Variants in SH3RF3 observed in about 807,000 individuals in gnomAD.
The protein encoded by SH3RF3 is SH3 domain containing ring finger 3.
A neutral mutation model predicts 66.3 loss-of-function variants in SH3RF3; 29 were observed. The ratio of observed to expected loss-of-function variants is 0.44; its 90% CI spans 0.33 to 0.60. The LOEUF (loss-of-function observed/expected upper bound fraction) is 0.60. Among genes scored for constraint, SH3RF3 ranks in the 20% least tolerant of loss-of-function variants. The probability of loss-of-function intolerance (pLI) is 0.04; values close to 1 mark genes in which losing one functional copy is unlikely to be tolerated. For missense variants in SH3RF3, 1,194 were observed against 1,190.9 expected, an observed-to-expected ratio of 1.00 and a Z score of -0.04; for synonymous variants, 583 against 532.0, an observed-to-expected ratio of 1.10 and a Z score of -1.32.
chr2:109,260,092 G>A (rs1490849489), intron 1 of SH3RF3, among the ~76,000 whole-genome samples: 1 of 152,170 alleles, frequency 6.6e-6, no homozygotes, highest in Admixed American at 6.5e-5. Context: ...CTTTTTGAGA[G>A]TAGAGAGGCT....
intron 5 of SH3RF3, among the ~76,000 whole-genome samples, chr2:109,431,202 A>G (rs1677202974): frequency 6.6e-6 from 1 of 152,186 alleles, no homozygotes; most frequent in Non-Finnish European, 1.5e-5. Context: ...ATATCCCCAG[A>G]GATGCACTGT....
intron 1 of SH3RF3, among the ~76,000 whole-genome samples, chr2:109,140,191 C>T (rs1014448123): frequency 6.6e-6 from 1 of 152,168 alleles, no homozygotes; most frequent in African/African-American, 2.4e-5. Flanking sequence ...ATGGTTGGTG[C>T]ATATGGGTCG....
chr2:109,426,023 C>T (rs62154200), intron 5 of SH3RF3, among the ~76,000 whole-genome samples: 140 of 152,198 alleles, frequency 9.2e-4, no homozygotes, highest in Middle Eastern at 3.4e-3. Context: ...TCAGCCTTCC[C>T]GGTAGCTGGG....
intron 1 of SH3RF3, among the ~76,000 whole-genome samples, chr2:109,154,492 C>A (rs547333009): frequency 1.1e-4 from 16 of 152,140 alleles, no homozygotes. Flanking sequence ...GGCCAGGCCT[C>A]GAGGCTTCCT....
At chr2:109,381,500 G>A (rs527529947) in intron 3 of SH3RF3, among the ~76,000 whole-genome samples, 7 of 152,176 alleles carry the variant, frequency 4.6e-5, no homozygotes, top group African/African-American at 1.4e-4. Flanking sequence ...GGCCATCCAC[G>A]TCCACCTGCC....
At chr2:109,390,108 G>A (rs577864593) in intron 3 of SH3RF3, among the ~76,000 whole-genome samples, 5 of 152,258 alleles carry the variant, frequency 3.3e-5, no homozygotes, top group East Asian at 3.9e-4. Context: ...AGTGTCTACC[G>A]GAGGCCATGC....
At chr2:109,329,026 A>G (rs1682224455) in intron 1 of SH3RF3, among the ~76,000 whole-genome samples, 1 of 152,190 alleles carries the variant, frequency 6.6e-6, no homozygotes, top group Non-Finnish European at 1.5e-5. Flanking sequence ...CCATGTGTCC[A>G]CAGAGGCAGT....
At chr2:109,467,636 A>G (rs1678389847) in intron 8 of SH3RF3, among the ~76,000 whole-genome samples, 1 of 152,240 alleles carries the variant, frequency 6.6e-6, no homozygotes, top group South Asian at 2.1e-4. Context: ...CTTTATTTTT[A>G]AAAAGAACAT....
At chr2:109,414,920 G>A (rs1559070978) in intron 4 of SH3RF3, among the ~76,000 whole-genome samples, 1 of 152,226 alleles carries the variant, frequency 6.6e-6, no homozygotes, top group Admixed American at 6.5e-5. Flanking sequence ...CTGAGAATGT[G>A]TCACCTCATG....
chr2:109,192,985 G>A (rs1678405184), intron 1 of SH3RF3, among the ~76,000 whole-genome samples: 1 of 152,236 alleles, frequency 6.6e-6, no homozygotes, highest in Non-Finnish European at 1.5e-5. Context: ...TGAACCTCTT[G>A]TGACTTGGAA....
intron 3 of SH3RF3, among the ~76,000 whole-genome samples, chr2:109,395,850 A>G (rs1676129752): frequency 6.6e-6 from 1 of 152,170 alleles, no homozygotes; most frequent in East Asian, 1.9e-4. Flanking sequence ...ACTTGCATAC[A>G]ACAACCTGTT....
chr2:109,160,022 C>T (rs900298195), intron 1 of SH3RF3, among the ~76,000 whole-genome samples: 7 of 152,196 alleles, frequency 4.6e-5, no homozygotes, highest in East Asian at 3.8e-4. Context: ...ACCATCTCCC[C>T]GCCAGGTCCA....
At chr2:109,206,920 G>A (rs1202142763) in intron 1 of SH3RF3, among the ~76,000 whole-genome samples, 3 of 152,230 alleles carry the variant, frequency 2.0e-5, no homozygotes, top group South Asian at 2.1e-4. Context: ...TTGTGTTTGG[G>A]ATAGCATGTC....
intron 1 of SH3RF3, among the ~76,000 whole-genome samples, chr2:109,193,501 A>G (rs1277397980): frequency 1.3e-5 from 2 of 152,202 alleles, no homozygotes; most frequent in Non-Finnish European, 2.9e-5. Flanking sequence ...GAATGGAATC[A>G]TACAGTTTGC....
intron 3 of SH3RF3, among the ~76,000 whole-genome samples, chr2:109,386,813 A>T (rs1431784147): frequency 6.6e-6 from 1 of 152,170 alleles, no homozygotes; most frequent in Non-Finnish European, 1.5e-5. Flanking sequence ...TTAAAAAATG[A>T]CTGCATTCTC....
chr2:109,174,458 C>T (rs1399048214), intron 1 of SH3RF3, among the ~76,000 whole-genome samples: 2 of 152,176 alleles, frequency 1.3e-5, no homozygotes, highest in Non-Finnish European at 2.9e-5. Flanking sequence ...GTGCCCTGAT[C>T]AGAGTAGGCA....
intron 1 of SH3RF3, among the ~76,000 whole-genome samples, chr2:109,345,486 G>A (rs758015870): frequency 4.6e-5 from 7 of 152,122 alleles, no homozygotes; most frequent in Non-Finnish European, 8.8e-5. Flanking sequence ...TTATAACACG[G>A]CTTTTAAGCC....
At chr2:109,344,148 C>T (rs1038669829) in intron 1 of SH3RF3, among the ~76,000 whole-genome samples, 3 of 152,192 alleles carry the variant, frequency 2.0e-5, no homozygotes, top group Non-Finnish European at 2.9e-5. Context: ...GGACCTGCTA[C>T]GCAGGGAGAA....
rs548263794 is a variant in SH3RF3 at position 109,342,826 on chromosome 2, C to T, written c.574-4848C>T. ...TAAGTCCAGAGGAAGATGTGTGTGC[C>T]ACATCTGAGTAATGAGCCATGAAAT... On this transcript the variant is annotated intron_variant, in intron 1 of 9. Transcript: ENST00000309415. Among the ~76,000 whole-genome samples, 12 of 152,310 alleles carry T rather than the reference C, an allele frequency of 7.9e-5. No homozygotes were observed. The South Asian group carries it at 2.5e-3, about 32-fold the overall frequency.
Sources: gnomAD v4.1 joint callset for allele counts (sites outside exome capture counted in the v4.1 genomes callset) on GRCh38, gnomAD v4.1.1 for gene constraint, MANE v1.5 for transcripts, NCBI Gene and HGNC (gene_info 2026-07-23, HGNC 2026-07-21) for gene names.